CDH18: variants seen among roughly 807,000 people sequenced by gnomAD.
CDH18 encodes the protein cadherin-18.
Under a neutral mutation model 67.9 loss-of-function variants are expected in CDH18, and 31 were observed. The ratio of observed to expected loss-of-function variants is 0.46; its 90% CI spans 0.34 to 0.62. CDH18 has a LOEUF of 0.62. Among genes scored for constraint, CDH18 ranks in the 20% least tolerant of loss-of-function variants. The pLI is 0.01. For missense variants in CDH18, 890 were observed against 975.5 expected, an observed-to-expected ratio of 0.91 and a Z score of 1.17; for synonymous variants, 362 against 347.2, an observed-to-expected ratio of 1.04 and a Z score of -0.48.
At chr5:19,539,668 CAAAGT>C (rs1749941186) in intron 9 of CDH18, among the ~76,000 whole-genome samples, 1 of 142,642 alleles carries the variant, frequency 7.0e-6, no homozygotes, top group African/African-American at 2.6e-5. Context: ...AAAGGAGAAG[CAAAGT>C]CACATCTTAC....
At chr5:19,495,091 C>G (rs114087448) in intron 11 of CDH18, among the ~76,000 whole-genome samples, 202 of 152,222 alleles carry the variant, frequency 1.3e-3, no homozygotes, top group East Asian at 2.9e-3. Context: ...ATAGAGGCAA[C>G]AAGTGCCTGA....
intron 5 of CDH18, among the ~76,000 whole-genome samples, chr5:19,673,934 A>C (rs1296504345): frequency 2.0e-5 from 3 of 152,094 alleles, no homozygotes; most frequent in Non-Finnish European, 4.4e-5. Flanking sequence ...ACTATTATAT[A>C]AACCACATCT....
chr5:20,469,238 G>A (rs2471151), intron 1 of CDH18, among the ~76,000 whole-genome samples: 102,046 of 152,014 alleles, frequency 0.67, 34,773 homozygotes, highest in Non-Finnish European at 0.75. Flanking sequence ...AATATCACAA[G>A]TCATTGGCAC....
intron 2 of CDH18, among the ~76,000 whole-genome samples, chr5:20,192,974 A>T (rs1738668271): frequency 6.6e-6 from 1 of 152,106 alleles, no homozygotes; most frequent in Admixed American, 6.6e-5. Context: ...AATTCTTCCT[A>T]TCCATGAGGA....
At chr5:20,072,664 C>G (rs1743583510) in intron 2 of CDH18, among the ~76,000 whole-genome samples, 1 of 151,736 alleles carries the variant, frequency 6.6e-6, no homozygotes, top group African/African-American at 2.4e-5. Flanking sequence ...TTCACAGCAG[C>G]TTTGGAAATA....
intron 3 of CDH18, among the ~76,000 whole-genome samples, chr5:19,749,051 T>C (rs1021013858): frequency 4.5e-4 from 69 of 152,130 alleles, no homozygotes; most frequent in Non-Finnish European, 8.2e-4. Flanking sequence ...GATACAATTG[T>C]ATGCTTGTAT....
intron 5 of CDH18, among the ~76,000 whole-genome samples, chr5:19,683,803 T>C (rs1030217724): frequency 6.6e-6 from 1 of 152,254 alleles, no homozygotes; most frequent in Non-Finnish European, 1.5e-5. Context: ...GCACATTCTT[T>C]AATCTTCCTC....
At chr5:19,967,225 G>A (rs1010177084) in intron 2 of CDH18, among the ~76,000 whole-genome samples, 1 of 151,782 alleles carries the variant, frequency 6.6e-6, no homozygotes, top group Non-Finnish European at 1.5e-5. Flanking sequence ...TGCATCTAAA[G>A]GATACATTAA....
intron 3 of CDH18, among the ~76,000 whole-genome samples, chr5:19,767,801 TA>T (rs1198039401): frequency 1.3e-5 from 2 of 152,136 alleles, no homozygotes; most frequent in Non-Finnish European, 2.9e-5. Context: ...CCAAAAATTG[TA>T]ATAAGTAACT....
chr5:20,023,519 C>A (rs1000271416), intron 2 of CDH18, among the ~76,000 whole-genome samples: 2 of 151,836 alleles, frequency 1.3e-5, no homozygotes, highest in African/African-American at 4.8e-5. Context: ...AATAGCCGGG[C>A]GTGGTGGCGG....
At chr5:19,478,629 T>C (rs556118405) in intron 12 of CDH18, 1 of 152,362 alleles carries the variant, frequency 6.6e-6, no homozygotes, top group South Asian at 2.1e-4. Context: ...GTCTCACTTA[T>C]GGTGGCCTCA....
intron 10 of CDH18, among the ~76,000 whole-genome samples, chr5:19,518,424 G>C (rs896731089): frequency 2.0e-5 from 3 of 152,048 alleles, no homozygotes; most frequent in African/African-American, 7.2e-5. Flanking sequence ...CATTGTTCCT[G>C]GTGTGTCTGT....
intron 1 of CDH18, among the ~76,000 whole-genome samples, chr5:20,373,155 A>T (rs1484673313): frequency 1.3e-5 from 2 of 152,194 alleles, no homozygotes; most frequent in African/African-American, 4.8e-5. Context: ...CACACTGATT[A>T]TATCTCTCCG....
chr5:19,538,329 C>T (rs1281908451), intron 9 of CDH18, among the ~76,000 whole-genome samples: 9 of 152,018 alleles, frequency 5.9e-5, no homozygotes, highest in Admixed American at 4.6e-4. Flanking sequence ...AAAACTAATT[C>T]GAATTACCAA....
At chr5:19,641,706 C>T (rs1392958405) in intron 5 of CDH18, among the ~76,000 whole-genome samples, 3 of 151,834 alleles carry the variant, frequency 2.0e-5, no homozygotes, top group Admixed American at 2.0e-4. Context: ...ATATGAAAAG[C>T]CCACAGCTAA....
At chr5:20,148,070 C>A (rs745720875) in intron 2 of CDH18, among the ~76,000 whole-genome samples, 1 of 151,360 alleles carries the variant, frequency 6.6e-6, no homozygotes, top group South Asian at 2.1e-4. Flanking sequence ...GTTAAGCATA[C>A]AATAGTGTCT....
intron 2 of CDH18, among the ~76,000 whole-genome samples, chr5:19,964,290 G>A (rs191156988): frequency 6.6e-6 from 1 of 151,986 alleles, no homozygotes; most frequent in Admixed American, 6.6e-5. Context: ...AAGTTGAAAT[G>A]AACCTAAAGA....
At chr5:19,593,754 T>TTCTTCTTCTTCTTCC (rs1377964119) in intron 6 of CDH18, among the ~76,000 whole-genome samples, 1 of 146,106 alleles carries the variant, frequency 6.8e-6, no homozygotes, top group Non-Finnish European at 1.5e-5. Flanking sequence ...CTTCTTCTTC[T>TTCTTCTTCTTCTTCC]TCTTCTTTCC....
chr5:19,949,876 A>G (rs931168292), intron 2 of CDH18, among the ~76,000 whole-genome samples: 2 of 151,990 alleles, frequency 1.3e-5, no homozygotes, highest in African/African-American at 4.8e-5. Flanking sequence ...TGTGAAAAAG[A>G]CACTTGCATG....
Sources: allele counts gnomAD v4.1 joint callset (sites outside exome capture counted in the v4.1 genomes callset), GRCh38; gene constraint gnomAD v4.1.1; transcripts MANE v1.5; gene names NCBI Gene and HGNC (gene_info 2026-07-23, HGNC 2026-07-21).